The following DNAH14 variants were observed in gnomAD, a reference collection of about 807,000 sequenced individuals.
DNAH14 encodes the protein dynein axonemal heavy chain 14.
In DNAH14, 478 loss-of-function variants were observed where a neutral mutation model predicts 520.9. The ratio of observed to expected loss-of-function variants is 0.92; its 90% CI spans 0.85 to 0.99. The LOEUF is 0.99. Ranked by LOEUF, DNAH14 falls within the 50% of genes least tolerant of loss-of-function variation. The pLI, the probability that DNAH14 is intolerant of heterozygous loss-of-function variation, is 0.00. For missense variants in DNAH14, 4,831 were observed against 5,234.5 expected, an observed-to-expected ratio of 0.92 and a Z score of 2.38; for synonymous variants, 1,581 against 1,757.2, an observed-to-expected ratio of 0.90 and a Z score of 2.51.
At chr1:225,279,596 A>G (rs1309480563) in intron 54 of DNAH14, among the ~76,000 whole-genome samples, 1 of 152,192 alleles carries the variant, frequency 6.6e-6, no homozygotes, top group Non-Finnish European at 1.5e-5. Context: ...TTAAAAGTAA[A>G]TATTACATAG....
chr1:225,104,728 G>A (rs186659787), intron 23 of DNAH14, among the ~76,000 whole-genome samples: 11 of 152,192 alleles, frequency 7.2e-5, no homozygotes, highest in Non-Finnish European at 1.2e-4. Flanking sequence ...GATAGGTGGT[G>A]ATGTCCCCTT....
chr1:225,370,465 A>G (rs532685116), intron 77 of DNAH14, among the ~76,000 whole-genome samples: 2 of 152,186 alleles, frequency 1.3e-5, no homozygotes, highest in South Asian at 2.1e-4. Context: ...GGCTGCAGTA[A>G]GCTGTGCTTG....
Position 225,351,661 on chromosome 1 carries a change from G to A in DNAH14, c.11311G>A (p.Gly3771Ser), listed in dbSNP as rs12408617. 80,928 of 1,546,290 alleles carry A rather than the reference G, an allele frequency of 0.052. 3,345 individuals are homozygous for A. Among genetic ancestry groups the A allele is most frequent in the African/African-American group, 0.22 (15,669 of 72,858 alleles). Reference sequence around the variant, plus strand: ...TTTTTTATCAGGCACATTTGAAATAGGTGAAAGTCAACATCTTCAGTGGCT... The same window carrying A: ...TTTTTTATCAGGCACATTTGAAATAAGTGAAAGTCAACATCTTCAGTGGCT... ...QSRLTSTFEI[G>S]ESQHLQWLSD... The change falls in exon 72 of 86, where the codon GGT becomes AGT. Residue 3771 changes from glycine (G) to serine (S), a missense_variant. Physicochemically the swap from Gly to Ser is moderately conservative, Grantham distance 56. Transcript: ENST00000682510.
chr1:225,381,334 T>C, intron 80 of DNAH14, 49 bp from the exon 81 acceptor site: 1 of 1,499,542 alleles, frequency 6.7e-7, no homozygotes, highest in Non-Finnish European at 8.9e-7. Flanking sequence ...ATGTAAAGCC[T>C]CTTTTTAATC....
At chr1:225,382,531 C>T (rs1215724199) in intron 81 of DNAH14, among the ~76,000 whole-genome samples, 1 of 151,902 alleles carries the variant, frequency 6.6e-6, no homozygotes, top group African/African-American at 2.4e-5. Context: ...CATGGTGAAA[C>T]CCCGTCTCTA....
chr1:225,026,684 A>G lies in DNAH14; in HGVS notation c.1358+2819A>G, dbSNP rs1235963629. ...TAGCTTTGTAGTAAGTTTTGAAATT[A>G]GGAATTGGGAATTTTCTAACATTGC... On this transcript the variant is annotated intron_variant, in intron 11 of 85. Coordinates refer to ENST00000682510, the MANE Select transcript of DNAH14 (RefSeq NM_001367479.1). Among the ~76,000 whole-genome samples, 5 of 152,306 alleles carry G rather than the reference A, an allele frequency of 3.3e-5. No individual in the cohort carries two copies. In the East Asian group the frequency reaches 9.6e-4, roughly 29 times the overall value.
chr1:225,269,923 A>G (rs2093260969), intron 49 of DNAH14, among the ~76,000 whole-genome samples: 1 of 152,220 alleles, frequency 6.6e-6, no homozygotes, highest in Non-Finnish European at 1.5e-5. Flanking sequence ...GTGATTCCTC[A>G]AGGATCTAGA....
At chr1:224,981,749 A>T (rs955037985) in intron 8 of DNAH14, among the ~76,000 whole-genome samples, 1 of 151,688 alleles carries the variant, frequency 6.6e-6, no homozygotes, top group Non-Finnish European at 1.5e-5. Flanking sequence ...TTTTTGTTTC[A>T]TTTATCTTTT....
chr1:225,176,746 G>A (rs771482028), intron 36 of DNAH14, among the ~76,000 whole-genome samples: 3 of 152,196 alleles, frequency 2.0e-5, no homozygotes, highest in Non-Finnish European at 4.4e-5. Flanking sequence ...GCCATTCCAT[G>A]TAAGAGGTAA....
intron 21 of DNAH14, among the ~76,000 whole-genome samples, chr1:225,087,275 G>C (rs1175268494): frequency 1.3e-5 from 2 of 152,234 alleles, no homozygotes; most frequent in Non-Finnish European, 2.9e-5. Flanking sequence ...GCACAAGATG[G>C]ATAGAGAAAG....
At chr1:225,294,243 T>G (rs2093957563) in intron 55 of DNAH14, among the ~76,000 whole-genome samples, 1 of 152,218 alleles carries the variant, frequency 6.6e-6, no homozygotes, top group African/African-American at 2.4e-5. Context: ...TCATGTTTAT[T>G]GATTTGCATA....
intron 18 of DNAH14, among the ~76,000 whole-genome samples, 160 bp from the exon 19 acceptor site, chr1:225,080,219 A>G (rs1356507900): frequency 6.6e-6 from 1 of 152,164 alleles, no homozygotes; most frequent in African/African-American, 2.4e-5. Context: ...TTCTGGGCCA[A>G]TCTTTATCTT....
chr1:225,336,968 C>T (rs190003715), intron 66 of DNAH14, among the ~76,000 whole-genome samples: 247 of 152,274 alleles, frequency 1.6e-3, no homozygotes, highest in African/African-American at 5.5e-3. Context: ...GCGTTAGAGT[C>T]TACGAGCCTT....
At chr1:224,929,986 C>T (rs1036980963) in intron 1 of DNAH14, among the ~76,000 whole-genome samples, 151 bp downstream of exon 1, 2 of 152,174 alleles carry the variant, frequency 1.3e-5, no homozygotes, top group Non-Finnish European at 2.9e-5. Flanking sequence ...CCTCCGAGTC[C>T]CCGCGCGGAA....
chr1:224,999,594 G>A (rs974995488), intron 8 of DNAH14, among the ~76,000 whole-genome samples: 4 of 151,804 alleles, frequency 2.6e-5, no homozygotes, highest in Non-Finnish European at 5.9e-5. Flanking sequence ...TATTTATATG[G>A]GCTTTAAGTT....
chr1:225,332,696 A>G (rs886340141), intron 65 of DNAH14, among the ~76,000 whole-genome samples: 1 of 152,072 alleles, frequency 6.6e-6, no homozygotes, highest in Admixed American at 6.6e-5. Context: ...TGGATACTTT[A>G]TAAACTGTCC....
chr1:225,113,081 T>C (rs544533119), intron 23 of DNAH14, among the ~76,000 whole-genome samples: 5 of 152,202 alleles, frequency 3.3e-5, no homozygotes, highest in East Asian at 1.9e-4. Context: ...TTTATTGTAG[T>C]TTTGCAGTCT....
intron 51 of DNAH14, 42 bp downstream of exon 51, chr1:225,272,115 A>C (rs2093331033): frequency 6.6e-7 from 1 of 1,508,960 alleles, no homozygotes; most frequent in African/African-American, 1.4e-5. Flanking sequence ...TTTTAAATAT[A>C]AGTTGCTCTC....
At chr1:224,934,323 GAGATA>G (rs1164903329) in intron 1 of DNAH14, among the ~76,000 whole-genome samples, 1 of 151,842 alleles carries the variant, frequency 6.6e-6, no homozygotes, top group Non-Finnish European at 1.5e-5. Flanking sequence ...ATTTCCTAAA[GAGATA>G]AGATTCTTTT....
Sources: gnomAD v4.1 joint callset for allele counts (sites outside exome capture counted in the v4.1 genomes callset) on GRCh38, gnomAD v4.1.1 for gene constraint, MANE v1.5 for transcripts, NCBI Gene and HGNC (gene_info 2026-07-23, HGNC 2026-07-21) for gene names.